ANKS1B: variants seen among roughly 807,000 people sequenced by gnomAD.
ANKS1B encodes the protein ankyrin repeat and sterile alpha motif domain containing 1B.
Under a neutral mutation model 148.3 loss-of-function variants are expected in ANKS1B, and 36 were observed. The observed-to-expected ratio is 0.24, with a 90% CI of 0.19 to 0.32. The LOEUF is 0.32. Ranked by LOEUF, ANKS1B falls within the 10% of genes least tolerant of loss-of-function variation. The pLI is 1.00. For missense variants in ANKS1B, 1,157 were observed against 1,542.6 expected, an observed-to-expected ratio of 0.75 and a Z score of 4.19; for synonymous variants, 542 against 560.8, an observed-to-expected ratio of 0.97 and a Z score of 0.47.
At chr12:99,846,613 T>C (rs2086708391) in intron 1 of ANKS1B, among the ~76,000 whole-genome samples, 1 of 152,196 alleles carries the variant, frequency 6.6e-6, no homozygotes, top group South Asian at 2.1e-4. Flanking sequence ...TTAGGTTTAC[T>C]AATTTCATTG....
chr12:98,832,273 C>A, intron 17 of ANKS1B, 137 bp from the exon 18 acceptor site: 1 of 656,098 alleles, frequency 1.5e-6, no homozygotes, highest in Non-Finnish European at 2.5e-6. Flanking sequence ...TTCAGTGTGA[C>A]CGCTGAAGTC....
At chr12:99,780,016 A>G (rs2064085703) in intron 5 of ANKS1B, 44 bp from the exon 6 acceptor site, 4 of 1,305,086 alleles carry the variant, frequency 3.1e-6, no homozygotes, top group Non-Finnish European at 4.4e-6. Context: ...CCACTGAAGT[A>G]TCCTCAAAAG....
intron 14 of ANKS1B, among the ~76,000 whole-genome samples, chr12:99,178,661 C>A (rs991942237): frequency 1.3e-5 from 2 of 152,112 alleles, no homozygotes; most frequent in Non-Finnish European, 2.9e-5. Context: ...TTATATTTTT[C>A]TGCTTTGTTC....
chr12:98,855,753 G>T (rs991928272), intron 17 of ANKS1B, among the ~76,000 whole-genome samples: 1 of 146,098 alleles, frequency 6.8e-6, no homozygotes, highest in East Asian at 2.0e-4. Flanking sequence ...CTTGGCCAGT[G>T]ATTTTTTTTA....
chr12:98,744,370 G>T lies in ANKS1B; in HGVS notation c.*1369C>A. ...CTCAGTTAGGTTTAAAATAATGTCA[G>T]TTAATAAAAAAACATTAAGACAATT... On this transcript the variant is annotated 3_prime_UTR_variant, in exon 27 of 27. Coordinates refer to ENST00000683438, the MANE Select transcript of ANKS1B (RefSeq NM_001352186.2). 1.1e-6 allele frequency: 1 copy of T among 903,634 alleles called. No individual in the cohort carries two copies. Among genetic ancestry groups the T allele is most frequent in the Non-Finnish European group, 1.3e-6 (1 of 756,422 alleles). The allele number at this position is 903,634 out of a possible 1,614,324, so 56.0% of individuals were successfully genotyped here. A position where few individuals can be genotyped will look rare whatever the true frequency, so the allele number is the denominator to read the frequency against.
intron 8 of ANKS1B, among the ~76,000 whole-genome samples, chr12:99,682,428 G>A (rs2098626116): frequency 6.6e-6 from 1 of 152,012 alleles, no homozygotes; most frequent in African/African-American, 2.4e-5. Flanking sequence ...TCATACCACA[G>A]TGCAATAAAA....
intron 17 of ANKS1B, among the ~76,000 whole-genome samples, chr12:98,840,980 T>C (rs912575117): frequency 2.6e-5 from 4 of 152,178 alleles, no homozygotes; most frequent in African/African-American, 9.7e-5. Flanking sequence ...TGTGAAGATG[T>C]GCTAATAGCA....
chr12:99,850,878 A>G (rs1459529926), intron 1 of ANKS1B, among the ~76,000 whole-genome samples: 2 of 152,170 alleles, frequency 1.3e-5, no homozygotes, highest in African/African-American at 4.8e-5. Context: ...AGAAATCAGA[A>G]GAATATGATA....
At chr12:99,512,794 T>C (rs1395661478) in intron 9 of ANKS1B, among the ~76,000 whole-genome samples, 1 of 151,954 alleles carries the variant, frequency 6.6e-6, no homozygotes, top group South Asian at 2.1e-4. Context: ...AGCAAACTAA[T>C]GCAGGAACAG....
chr12:99,853,575 A>G (rs970247648), intron 1 of ANKS1B, among the ~76,000 whole-genome samples: 10 of 152,180 alleles, frequency 6.6e-5, no homozygotes, highest in Non-Finnish European at 1.3e-4. Flanking sequence ...GTACAAAAAA[A>G]TCTGAACAGC....
intron 24 of ANKS1B, 82 bp downstream of exon 24, chr12:98,781,035 G>T: frequency 1.2e-6 from 1 of 823,640 alleles, no homozygotes; most frequent in Non-Finnish European, 1.9e-6. Flanking sequence ...GGAGTGCTGG[G>T]TATTATAGGA....
At chr12:98,966,120 A>C (rs1383671166) in intron 17 of ANKS1B, among the ~76,000 whole-genome samples, 4 of 152,222 alleles carry the variant, frequency 2.6e-5, no homozygotes, top group South Asian at 2.1e-4. Context: ...CAACCTACAG[A>C]ATGGGAGAAA....
intron 12 of ANKS1B, among the ~76,000 whole-genome samples, chr12:99,303,260 A>T (rs2081921803): frequency 6.6e-6 from 1 of 152,156 alleles, no homozygotes; most frequent in Non-Finnish European, 1.5e-5. Context: ...CACATCATAG[A>T]TGAAATGCAA....
intron 8 of ANKS1B, among the ~76,000 whole-genome samples, chr12:99,708,230 A>C (rs1464003171): frequency 2.0e-5 from 3 of 152,164 alleles, no homozygotes; most frequent in African/African-American, 7.2e-5. Flanking sequence ...AGAATACATC[A>C]GTATGGAAGT....
intron 9 of ANKS1B, among the ~76,000 whole-genome samples, chr12:99,651,367 AAAACAATTTTTGT>A (rs1483701897): frequency 1.3e-5 from 2 of 152,200 alleles, no homozygotes; most frequent in African/African-American, 4.8e-5. Context: ...ATTTAAAAAT[AAAACAATTTTTGT>A]TTTTCATGTG....
At chr12:99,755,539 CA>C (rs1348271951) in intron 8 of ANKS1B, among the ~76,000 whole-genome samples, 1 of 122,642 alleles carries the variant, frequency 8.2e-6, no homozygotes, top group African/African-American at 3.2e-5. Context: ...AAAGATACCA[CA>C]AAAAAAGAAA....
At chr12:99,670,574 T>C (rs1056481461) in intron 8 of ANKS1B, among the ~76,000 whole-genome samples, 4 of 152,052 alleles carry the variant, frequency 2.6e-5, no homozygotes, top group Non-Finnish European at 4.4e-5. Flanking sequence ...GGAAGAAAAA[T>C]ATAAGTATGT....
At chr12:98,817,827 A>T (rs2099153559) in intron 19 of ANKS1B, among the ~76,000 whole-genome samples, 1 of 152,188 alleles carries the variant, frequency 6.6e-6, no homozygotes, top group African/African-American at 2.4e-5. Context: ...CTGAAGGGCA[A>T]TCCTTCCAAA....
intron 12 of ANKS1B, among the ~76,000 whole-genome samples, chr12:99,326,135 C>T (rs1056496282): frequency 6.6e-6 from 1 of 152,000 alleles, no homozygotes; most frequent in East Asian, 1.9e-4. Context: ...TCCACCTGGT[C>T]TCTTCCAAGA....
Sources: gnomAD v4.1 joint callset for allele counts (sites outside exome capture counted in the v4.1 genomes callset) on GRCh38, gnomAD v4.1.1 for gene constraint, MANE v1.5 for transcripts, NCBI Gene and HGNC (gene_info 2026-07-23, HGNC 2026-07-21) for gene names.